LRPAP1: variants seen among roughly 807,000 people sequenced by gnomAD.
The protein encoded by LRPAP1 is alpha-2-macroglobulin receptor-associated protein.
In LRPAP1, 41 loss-of-function variants were observed where a neutral mutation model predicts 39.9. The observed-to-expected ratio is 1.03, with a 90% CI of 0.80 to 1.33. The LOEUF is 1.33. LRPAP1 is among the 40% of genes most tolerant of loss of function. The pLI, the probability that LRPAP1 is intolerant of heterozygous loss-of-function variation, is 0.00. For missense variants in LRPAP1, 565 were observed against 482.3 expected, an observed-to-expected ratio of 1.17 and a Z score of -1.61; for synonymous variants, 263 against 212.7, an observed-to-expected ratio of 1.24 and a Z score of -2.06.
intron 1 of LRPAP1, among the ~76,000 whole-genome samples, chr4:3,527,841 C>A (rs140209183): frequency 6.6e-6 from 1 of 152,218 alleles, no homozygotes; most frequent in South Asian, 2.1e-4. Context: ...TCACTGGCTT[C>A]CTGTCTGCCT....
In LRPAP1 at chr4:3,505,570, C is replaced by T. The variant is rs1223486996; in HGVS notation, c.*7404G>A. 1.3e-5 allele frequency among the ~76,000 whole-genome samples: 2 copies of T among 152,194 alleles called. No individual in the cohort carries two copies. The highest frequency in any genetic ancestry group is 2.9e-5 in the Non-Finnish European group (2 of 68,028). ...CTGGCACAACACCATGGCTGAGGTG[C>T]GCTTCCAGCTGCACCAGCAGCCCAC... On this transcript the variant is annotated 3_prime_UTR_variant, in exon 8 of 8. Transcript: ENST00000650182.
chr4:3,518,708 C>T (rs138474732), intron 4 of LRPAP1, among the ~76,000 whole-genome samples, 163 bp downstream of exon 4: 66 of 151,938 alleles, frequency 4.3e-4, no homozygotes, highest in Middle Eastern at 3.4e-3. Flanking sequence ...CTCACAAGTC[C>T]GGTGGAACCC....
rs752280001 is a variant in LRPAP1 at position 3,532,396 on chromosome 4, A to C, written c.17T>G (p.Val6Gly). Residue 6 changes from valine to glycine, a missense_variant, in exon 1 of 8, where the codon GTC (valine) becomes GGC (glycine). Coordinates refer to ENST00000650182, the MANE Select transcript of LRPAP1 (RefSeq NM_002337.4). Reference sequence around the variant, plus strand: ...CGGGAGCCCGCGCAGAAACGACCTGACCCTCCGCGGCGCCATCTTCCTCTG... The same window carrying C: ...CGGGAGCCCGCGCAGAAACGACCTGCCCCTCCGCGGCGCCATCTTCCTCTG... MAPRRVRSFLRGLPAL... is the reference protein window; with the variant it reads MAPRRGRSFLRGLPAL... The C allele has an allele frequency of 1.1e-5, 17 of 1,578,514 alleles. No individual in the cohort carries two copies. The highest frequency in any genetic ancestry group is 1.4e-5 in the Non-Finnish European group (16 of 1,163,746).
intron 3 of LRPAP1, among the ~76,000 whole-genome samples, chr4:3,519,280 AC>A: frequency 6.6e-6 from 1 of 152,356 alleles, no homozygotes; most frequent in East Asian, 1.9e-4. Flanking sequence ...CAGCCCGGTG[AC>A]CCCGGGCTTG....
rs1729866949 is a variant in LRPAP1 at position 3,520,162 on chromosome 4, C to T, written c.381G>A (p.Lys127=). The T allele has an allele frequency of 6.2e-7, 1 of 1,614,090 alleles. No individual in the cohort carries two copies. The highest frequency in any genetic ancestry group is 1.1e-5 in the South Asian group (1 of 91,084). ...TGCTGGTCACCTGCCGAGCGTCCTT[C>T]TTTCCGTCCAGACCATACTTGGCCA... ...VILAKYGLDG[K]KDARQVTSNS... is the part of the protein sequence containing the mutation. Residue 127 remains lysine, a synonymous_variant, in exon 3 of 8, where the codon AAG becomes AAA. Coordinates refer to ENST00000650182, the MANE Select transcript of LRPAP1 (RefSeq NM_002337.4).
At chr4:3,524,838 A>C in intron 2 of LRPAP1, 69 bp downstream of exon 2, 3 of 1,563,794 alleles carry the variant, frequency 1.9e-6, no homozygotes, top group Non-Finnish European at 2.6e-6. Flanking sequence ...CCGACATCCA[A>C]AACACTGCCG....
intron 2 of LRPAP1, among the ~76,000 whole-genome samples, chr4:3,523,939 G>A (rs74656670): frequency 0.17 from 25,541 of 151,848 alleles, 2,403 homozygotes; most frequent in South Asian, 0.31. Flanking sequence ...GCAGGGGACT[G>A]TGCCGGGGGC....
intron 7 of LRPAP1, among the ~76,000 whole-genome samples, chr4:3,514,260 C>G (rs1423156701): frequency 6.6e-6 from 1 of 152,264 alleles, no homozygotes; most frequent in Non-Finnish European, 1.5e-5. Flanking sequence ...ACAGATGGGG[C>G]TCCTGAGCCC....
intron 1 of LRPAP1, among the ~76,000 whole-genome samples, chr4:3,530,261 G>A (rs1009434039): frequency 6.6e-6 from 1 of 152,080 alleles, no homozygotes; most frequent in Non-Finnish European, 1.5e-5. Flanking sequence ...AGACCCGGAC[G>A]GGTCTGACGC....
intron 1 of LRPAP1, among the ~76,000 whole-genome samples, chr4:3,530,931 T>C (rs73793997): frequency 0.01 from 1,540 of 152,020 alleles, 28 homozygotes; most frequent in African/African-American, 0.035. Flanking sequence ...CCATTCCTCA[T>C]GGGGAGGGGG....
intron 2 of LRPAP1, among the ~76,000 whole-genome samples, chr4:3,521,215 C>T (rs1729899426): frequency 6.6e-6 from 1 of 152,210 alleles, no homozygotes; most frequent in South Asian, 2.1e-4. Context: ...CCCAGGGCCC[C>T]GCCTCCCACA....
At chr4:3,525,462 A>C (rs905306446) in intron 1 of LRPAP1, among the ~76,000 whole-genome samples, 8 of 151,746 alleles carry the variant, frequency 5.3e-5, no homozygotes, top group Non-Finnish European at 7.4e-5. Flanking sequence ...CTTTTTTAAA[A>C]AAAATCACTG....
In LRPAP1 at chr4:3,514,852, T is replaced by C. The variant is rs759659110; in HGVS notation, c.911A>G (p.Lys304Arg). ...GCCCACGCTCTCTGCGTGCCTCAGC[T>C]TCTCGTGCGCAATCTCCAGCTGCTT... is the stretch of plus-strand genomic sequence containing the variant. ...YQKQLEIAHE[K>R]LRHAESVGDG... is the part of the protein sequence containing the mutation. The change falls in exon 7 of 8, where the codon AAG becomes AGG. Residue 304 changes from lysine (K) to arginine (R), a missense_variant. Coordinates refer to ENST00000650182, the MANE Select transcript of LRPAP1 (RefSeq NM_002337.4). The C allele has an allele frequency of 6.2e-7, 1 of 1,613,872 alleles. No homozygotes were observed. The highest frequency in any genetic ancestry group is 2.2e-5 in the East Asian group (1 of 44,874).
At chr4:3,529,237 C>A (rs1471557253) in intron 1 of LRPAP1, among the ~76,000 whole-genome samples, 3 of 151,958 alleles carry the variant, frequency 2.0e-5, no homozygotes, top group Non-Finnish European at 4.4e-5. Context: ...GCACGAGAAT[C>A]GCTTGAACCT....
At chr4:3,530,914 G>A (rs936423976) in intron 1 of LRPAP1, among the ~76,000 whole-genome samples, 1 of 152,082 alleles carries the variant, frequency 6.6e-6, no homozygotes, top group Non-Finnish European at 1.5e-5. Flanking sequence ...AGTCTATTTC[G>A]GGCTCCCCAT....
At chr4:3,515,925 G>C (rs1242972257) in intron 6 of LRPAP1, 191 bp downstream of exon 6, 3 of 615,424 alleles carry the variant, frequency 4.9e-6, no homozygotes, top group African/African-American at 1.8e-5. Flanking sequence ...GCCTGGCCCC[G>C]CCCCTGAAAC....
chr4:3,530,240 G>T (rs1225045485), intron 1 of LRPAP1, among the ~76,000 whole-genome samples: 1 of 152,154 alleles, frequency 6.6e-6, no homozygotes, highest in African/African-American at 2.4e-5. Context: ...CCGCCACTGA[G>T]AACCTCAAAA....
intron 7 of LRPAP1, among the ~76,000 whole-genome samples, chr4:3,513,579 G>C (rs1729601219): frequency 6.6e-6 from 1 of 152,194 alleles, no homozygotes; most frequent in Non-Finnish European, 1.5e-5. Context: ...AAAGTGCTGG[G>C]ATTACAGGTG....
rs1048882384 is a variant in LRPAP1, at chr4:3,509,089, C to G, written c.*3885G>C. ...AAATACACAGTCCTCAATAGCATATCGAACACCTAGGACTAGATCTAAAGG... is the reference window on the plus strand; with the variant it reads ...AAATACACAGTCCTCAATAGCATATGGAACACCTAGGACTAGATCTAAAGG... On this transcript the variant is annotated 3_prime_UTR_variant, in exon 8 of 8. Coordinates refer to ENST00000650182, the MANE Select transcript of LRPAP1 (RefSeq NM_002337.4). The G allele has an allele frequency of 6.6e-6, 1 of 152,274 alleles. No homozygotes were observed. The highest frequency in any genetic ancestry group is 2.4e-5 in the African/African-American group (1 of 41,462). The allele number at this position is 152,274 out of a possible 1,614,324, so 9.4% of individuals were successfully genotyped here.
Sources: allele counts gnomAD v4.1 joint callset (sites outside exome capture counted in the v4.1 genomes callset), GRCh38; gene constraint gnomAD v4.1.1; transcripts MANE v1.5; gene names NCBI Gene and HGNC (gene_info 2026-07-23, HGNC 2026-07-21).